The following LDB2 variants were observed in gnomAD, a reference collection of about 807,000 sequenced individuals.
LDB2 encodes LIM domain-binding protein 2.
LDB2 carries 12 observed loss-of-function variants against 44.3 expected under a neutral mutation model. That is an observed-to-expected ratio of 0.27 (90% CI 0.17 to 0.44). The LOEUF is 0.44. Ranked by LOEUF, LDB2 falls within the 20% of genes least tolerant of loss-of-function variation. The probability of loss-of-function intolerance (pLI) is 1.00; values close to 1 mark genes in which losing one functional copy is unlikely to be tolerated. For synonymous variants in LDB2, 164 were observed against 174.8 expected (o/e 0.94, Z 0.49); for missense variants, 344 against 473.5 (o/e 0.73, Z 2.54).
chr4:16,560,835 C>T lies in LDB2; in HGVS notation c.615+25087G>A, dbSNP rs565657226. 9.9e-5 allele frequency among the ~76,000 whole-genome samples: 15 copies of T among 152,158 alleles called. 1 individual carries two copies. The South Asian group carries it at 2.5e-3, about 25-fold the overall frequency. ...AAGCCTCAATAAAATACTGGCAAAC[C>T]GAATCCAGCAGCACATCAAAAAGCT... On this transcript the variant is annotated intron_variant, in intron 5 of 7. Coordinates refer to ENST00000304523, the MANE Select transcript of LDB2 (RefSeq NM_001290.5).
intron 2 of LDB2, among the ~76,000 whole-genome samples, chr4:16,749,031 TA>T (rs1764922364): frequency 6.6e-6 from 1 of 152,140 alleles, no homozygotes; most frequent in Non-Finnish European, 1.5e-5. Flanking sequence ...TGAGGAAGGT[TA>T]AATAAATAAA....
chr4:16,876,323 T>C (rs1257562094), intron 1 of LDB2, among the ~76,000 whole-genome samples: 4 of 152,186 alleles, frequency 2.6e-5, no homozygotes, highest in Admixed American at 2.6e-4. Context: ...ACACCTCTGC[T>C]CTAACGCTGC....
intron 7 of LDB2, among the ~76,000 whole-genome samples, chr4:16,504,795 C>CTT: frequency 6.6e-6 from 1 of 152,262 alleles, no homozygotes; most frequent in African/African-American, 2.4e-5. Flanking sequence ...GGAGATGACA[C>CTT]TTATGATCAA....
intron 2 of LDB2, among the ~76,000 whole-genome samples, chr4:16,683,961 A>T (rs1288590924): frequency 6.6e-6 from 1 of 152,138 alleles, no homozygotes; most frequent in Non-Finnish European, 1.5e-5. Flanking sequence ...AACACACATC[A>T]TTTATCTCAC....
At chr4:16,626,515 ACACTT>A (rs1730322143) in intron 2 of LDB2, among the ~76,000 whole-genome samples, 1 of 152,206 alleles carries the variant, frequency 6.6e-6, no homozygotes, top group South Asian at 2.1e-4. Flanking sequence ...CACTAGCTAG[ACACTT>A]CACTTCAGTG....
intron 2 of LDB2, among the ~76,000 whole-genome samples, chr4:16,702,819 C>T (rs1391675738): frequency 6.6e-6 from 1 of 152,178 alleles, no homozygotes; most frequent in Non-Finnish European, 1.5e-5. Context: ...CACTCATGAC[C>T]TTCCCATGAC....
intron 1 of LDB2, among the ~76,000 whole-genome samples, chr4:16,763,073 CCACACACA>C (rs57168902): frequency 0.4 from 56,538 of 139,888 alleles, 11,298 homozygotes; most frequent in South Asian, 0.52. Context: ...TTAGGTAACA[CCACACACA>C]CACACACACA....
chr4:16,521,689 C>T (rs1038204498), intron 5 of LDB2, among the ~76,000 whole-genome samples: 1 of 152,092 alleles, frequency 6.6e-6, no homozygotes, highest in African/African-American at 2.4e-5. Context: ...ACCAGGTGAC[C>T]CTACACCTTC....
At chr4:16,683,028 G>A (rs1438255624) in intron 2 of LDB2, among the ~76,000 whole-genome samples, 42 of 152,160 alleles carry the variant, frequency 2.8e-4, no homozygotes, top group Admixed American at 2.7e-3. Flanking sequence ...CTGGTAAATT[G>A]CACTAATGCA....
At chr4:16,761,080 T>C (rs1249551010) in intron 1 of LDB2, among the ~76,000 whole-genome samples, 1 of 151,980 alleles carries the variant, frequency 6.6e-6, no homozygotes, top group Non-Finnish European at 1.5e-5. Context: ...TGCTACTTTA[T>C]CTCCCAACCC....
chr4:16,881,651 A>G (rs908205398), intron 1 of LDB2, among the ~76,000 whole-genome samples: 1 of 144,568 alleles, frequency 6.9e-6, no homozygotes, highest in African/African-American at 2.6e-5. Flanking sequence ...TGGAAGTTCC[A>G]CATAAATTAC....
At chr4:16,592,495 T>TACAC (rs1238380929) in intron 3 of LDB2, among the ~76,000 whole-genome samples, 1 of 135,566 alleles carries the variant, frequency 7.4e-6, no homozygotes, top group Admixed American at 7.3e-5. Context: ...TATATATATA[T>TACAC]ATATATATAT....
chr4:16,567,642 C>T (rs370579146), intron 5 of LDB2, among the ~76,000 whole-genome samples: 1 of 152,018 alleles, frequency 6.6e-6, no homozygotes, highest in East Asian at 1.9e-4. Flanking sequence ...TGGTGGCGGG[C>T]GCCTGTAGTC....
chr4:16,844,055 C>A (rs1235839198), intron 1 of LDB2, among the ~76,000 whole-genome samples: 2 of 148,060 alleles, frequency 1.4e-5, no homozygotes, highest in Non-Finnish European at 1.5e-5. Flanking sequence ...CAGTTTGAGA[C>A]CAGTCTGGGC....
chr4:16,743,392 C>T (rs1763739739), intron 2 of LDB2, among the ~76,000 whole-genome samples: 3 of 152,086 alleles, frequency 2.0e-5, no homozygotes, highest in African/African-American at 7.2e-5. Context: ...AGATTCCCAC[C>T]CCTGGTATAT....
chr4:16,828,235 C>A (rs572760948), intron 1 of LDB2, among the ~76,000 whole-genome samples: 2 of 152,322 alleles, frequency 1.3e-5, no homozygotes, highest in African/African-American at 4.8e-5. Flanking sequence ...ATCAAACTTT[C>A]AAGGCTCGCC....
intron 2 of LDB2, among the ~76,000 whole-genome samples, chr4:16,726,033 G>A (rs1432821342): frequency 6.7e-6 from 1 of 150,360 alleles, no homozygotes; most frequent in African/African-American, 2.4e-5. Context: ...CCACTGAATT[G>A]TTTAACGTTT....
At chr4:16,707,070 C>T (rs1312306308) in intron 2 of LDB2, among the ~76,000 whole-genome samples, 1 of 152,074 alleles carries the variant, frequency 6.6e-6, no homozygotes, top group African/African-American at 2.4e-5. Flanking sequence ...AATTCCTTTG[C>T]CCTTCTCAGT....
chr4:16,647,815 G>T (rs1481162275), intron 2 of LDB2, among the ~76,000 whole-genome samples: 1 of 152,156 alleles, frequency 6.6e-6, no homozygotes, highest in Non-Finnish European at 1.5e-5. Context: ...TGTGTTATGA[G>T]GTTCTCTCTG....
Sources: allele counts gnomAD v4.1 joint callset (sites outside exome capture counted in the v4.1 genomes callset), GRCh38; gene constraint gnomAD v4.1.1; transcripts MANE v1.5; gene names NCBI Gene and HGNC (gene_info 2026-07-23, HGNC 2026-07-21).